Variants in SYNE2 observed in about 807,000 individuals in gnomAD.
SYNE2 encodes the protein spectrin repeat containing nuclear envelope protein 2, also known as nesprin-2.
Under a neutral mutation model 856.3 loss-of-function variants are expected in SYNE2, and 431 were observed. The ratio of observed to expected loss-of-function variants is 0.50; its 90% confidence interval spans 0.47 to 0.55. SYNE2 has a LOEUF of 0.55. Among genes scored for constraint, SYNE2 ranks in the 20% least tolerant of loss-of-function variants. The pLI is 0.00. For synonymous variants in SYNE2, 2,923 were observed against 2,872.3 expected, an observed-to-expected ratio of 1.02 and a Z score of -0.56; for missense variants, 8,129 against 8,023.2, an observed-to-expected ratio of 1.01 and a Z score of -0.50.
chr14:63,943,044 T>C (rs2095948551), intron 6 of SYNE2, among the ~76,000 whole-genome samples: 1 of 152,266 alleles, frequency 6.6e-6, no homozygotes, highest in Non-Finnish European at 1.5e-5. Context: ...TTGCTTCTTA[T>C]TGTTTACTAT....
At chr14:64,119,061 G>T (rs527972039) in intron 66 of SYNE2, among the ~76,000 whole-genome samples, 1 of 152,188 alleles carries the variant, frequency 6.6e-6, no homozygotes, top group African/African-American at 2.4e-5. Flanking sequence ...TAAGGTGCCT[G>T]TGTTTACACA....
At chr14:64,084,070 G>A (rs1488977976) in intron 57 of SYNE2, among the ~76,000 whole-genome samples, 5 of 152,002 alleles carry the variant, frequency 3.3e-5, no homozygotes, top group Admixed American at 2.6e-4. Context: ...GATTACAGGC[G>A]TGTGCCACCA....
rs144018470 is a variant in SYNE2 at position 63,846,787 on chromosome 14, A to C, written c.-304-5714A>C. 8.8e-4 allele frequency among the ~76,000 whole-genome samples: 134 copies of C among 151,502 alleles called. 1 individual carries two copies. Among genetic ancestry groups the C allele is most frequent in the Middle Eastern group, 3.4e-3 (1 of 292 alleles). ...AATTTTTGTATTTTTAGTAGAGACG[A>C]GGTTTCACCATGTTGGCTAGGCTGG... is the stretch of plus-strand genomic sequence containing the variant. On this transcript the variant is annotated intron_variant, in intron 1 of 23. Coordinates refer to the SYNE2 transcript ENST00000674003.
intron 45 of SYNE2, among the ~76,000 whole-genome samples, chr14:64,031,587 A>G (rs2097035620): frequency 6.6e-6 from 1 of 152,198 alleles, no homozygotes; most frequent in South Asian, 2.1e-4. Flanking sequence ...ATTTAGGTTT[A>G]TTATTCTCTC....
chr14:64,213,351 T>G (rs1403731508), intron 105 of SYNE2, among the ~76,000 whole-genome samples: 1 of 152,182 alleles, frequency 6.6e-6, no homozygotes, highest in Non-Finnish European at 1.5e-5. Flanking sequence ...AACTTAGGAA[T>G]GTATTTGCCC....
chr14:63,967,740 A>T lies in SYNE2; in HGVS notation c.1022A>T (p.Glu341Val), dbSNP rs1176946319. ...SLLSFMESFNEEKKSFLDVLS... is the reference protein window; with the variant it reads ...SLLSFMESFNVEKKSFLDVLS... ...CTGTCCTTTATGGAGTCATTCAATG[A>T]AGAAAAAAAGTCCTTTTTGGATGTC... The change falls in exon 11 of 116, where the codon GAA (glutamate) becomes GTA (valine). Residue 341 changes from glutamate (E) to valine (V), a missense_variant. This residue lies in a region of SYNE2 where 2,422 missense variants were observed against 2,357.4 expected (regional missense o/e 1.03). Coordinates refer to ENST00000555002, the MANE Select transcript of SYNE2 (RefSeq NM_182914.3). 6.2e-7 allele frequency: 1 copy of T among 1,614,174 alleles called. No individual in the cohort carries two copies. Among genetic ancestry groups the T allele is most frequent in the Non-Finnish European group, 8.5e-7 (1 of 1,179,982 alleles).
At chr14:64,215,943 G>T in intron 107 of SYNE2, 1 of 1,327,342 alleles carries the variant, frequency 7.5e-7, no homozygotes, top group African/African-American at 1.5e-5. Flanking sequence ...CTGCCATCTT[G>T]GTCCCCAGAC....
At chr14:63,836,383 A>G (rs868328165) in intron 1 of SYNE2, among the ~76,000 whole-genome samples, 1 of 152,208 alleles carries the variant, frequency 6.6e-6, no homozygotes. Context: ...TCAAAAATAT[A>G]GAAAAGTGCA....
At chr14:64,136,536 T>A (rs913860416) in intron 78 of SYNE2, among the ~76,000 whole-genome samples, 2 of 152,128 alleles carry the variant, frequency 1.3e-5, no homozygotes, top group African/African-American at 4.8e-5. Context: ...TTCTGTTTTG[T>A]TAATAATTTA....
intron 89 of SYNE2, among the ~76,000 whole-genome samples, chr14:64,164,245 G>C (rs2098355956): frequency 6.6e-6 from 1 of 152,114 alleles, no homozygotes; most frequent in Non-Finnish European, 1.5e-5. Context: ...GAGTAGCTGG[G>C]ACTACAGGTG....
intron 1 of SYNE2, among the ~76,000 whole-genome samples, chr14:63,803,874 G>A (rs1335705957): frequency 6.6e-6 from 1 of 152,236 alleles, no homozygotes; most frequent in Admixed American, 6.5e-5. Flanking sequence ...AATCCTTTGT[G>A]TTGAGGGAGA....
intron 44 of SYNE2, among the ~76,000 whole-genome samples, chr14:64,030,417 G>A: frequency 6.6e-6 from 1 of 152,178 alleles, no homozygotes; most frequent in Non-Finnish European, 1.5e-5. Flanking sequence ...AGCCCATTAG[G>A]ATAACGACTG....
At chr14:64,109,048 G>T (rs2097788969) in intron 65 of SYNE2, among the ~76,000 whole-genome samples, 1 of 151,852 alleles carries the variant, frequency 6.6e-6, no homozygotes, top group African/African-American at 2.4e-5. Context: ...GCTAATTTTT[G>T]TATTTTTTCA....
At chr14:63,948,738 A>ATATATATAT (rs1566883322) in intron 6 of SYNE2, among the ~76,000 whole-genome samples, 6 of 73,742 alleles carry the variant, frequency 8.1e-5, no homozygotes, top group Admixed American at 1.7e-4. Flanking sequence ...ATATGTGTAT[A>ATATATATAT]GATATGTGTG....
chr14:64,105,887 C>G (rs916658739), intron 64 of SYNE2, among the ~76,000 whole-genome samples: 34 of 151,788 alleles, frequency 2.2e-4, no homozygotes, highest in African/African-American at 8.2e-4. Flanking sequence ...TAGTGAAACC[C>G]TGTCTCTGTA....
At chr14:64,133,471 T>C (rs1484745112) in intron 77 of SYNE2, among the ~76,000 whole-genome samples, 1 of 152,054 alleles carries the variant, frequency 6.6e-6, no homozygotes, top group Non-Finnish European at 1.5e-5. Flanking sequence ...CTCTGTGGTG[T>C]GTTGGGGTCC....
chr14:63,811,732 C>T (rs759135524), intron 1 of SYNE2, among the ~76,000 whole-genome samples: 59 of 152,136 alleles, frequency 3.9e-4, no homozygotes, highest in Admixed American at 2.0e-3. Context: ...GCTAGGCTTC[C>T]GGGGGTGACA....
intron 1 of SYNE2, chr14:63,873,603 A>G (rs8015354): frequency 0.64 from 98,054 of 152,038 alleles, 31,919 homozygotes; most frequent in South Asian, 0.77. Context: ...TGTTAACCAG[A>G]ATGGTCTTGA....
In SYNE2 at chr14:64,054,744, G is replaced by C. The variant is rs187371490; in HGVS notation, c.9744+1087G>C. Among the ~76,000 whole-genome samples the C allele has an allele frequency of 1.8e-3, 269 of 152,222 alleles. 2 individuals carry two copies. Among genetic ancestry groups the C allele is most frequent in the Middle Eastern group, 0.01 (3 of 294 alleles). ...CCTTTTGGTAGAGTGGATATCTTAGGCATCATTGAAATTCACGCTGTGCTG... is the reference window on the plus strand; with the variant it reads ...CCTTTTGGTAGAGTGGATATCTTAGCCATCATTGAAATTCACGCTGTGCTG... On this transcript the variant is annotated intron_variant, in intron 48 of 115. Transcript: ENST00000555002.
Sources: gnomAD v4.1 joint callset for allele counts (sites outside exome capture counted in the v4.1 genomes callset) on GRCh38, gnomAD v4.1.1 for gene constraint, gnomAD v4.1.1 regional missense constraint, MANE v1.5 for transcripts, NCBI Gene and HGNC (gene_info 2026-07-23, HGNC 2026-07-21) for gene names.